NAALADL2: variants seen among roughly 807,000 people sequenced by gnomAD.
NAALADL2 encodes the protein inactive N-acetylated-alpha-linked acidic dipeptidase-like protein 2.
NAALADL2 carries 76 observed loss-of-function variants against 87.2 expected under a neutral mutation model. The observed-to-expected ratio is 0.87, with a 90% CI of 0.72 to 1.05. The LOEUF (loss-of-function observed/expected upper bound fraction) is 1.05. NAALADL2 is among the 50% of genes least tolerant of loss of function. NAALADL2 has a pLI of 0.00. For missense variants in NAALADL2, 1,089 were observed against 945.8 expected (o/e 1.15, Z -1.99); for synonymous variants, 354 against 331.0 (o/e 1.07, Z -0.75).
intron 1 of NAALADL2, among the ~76,000 whole-genome samples, chr3:174,479,510 C>T (rs1376168704): frequency 6.6e-6 from 1 of 152,066 alleles, no homozygotes; most frequent in Non-Finnish European, 1.5e-5. Flanking sequence ...TACCTCTTAT[C>T]CATTATGCAC....
At chr3:175,027,405 C>T (rs1202149525) in intron 1 of NAALADL2, among the ~76,000 whole-genome samples, 1 of 151,798 alleles carries the variant, frequency 6.6e-6, no homozygotes, top group Non-Finnish European at 1.5e-5. Flanking sequence ...TAAACCATAA[C>T]ATTATAGAAA....
rs935900421 is a variant in NAALADL2, at chr3:174,499,451, CTT to C, written c.-183-51115_-183-51114del. ...ATGCAATTCAGTTTTCCACTTTGTTCTTTTATAGAGTGTTCCTTTATGGTATT... is the reference window on the plus strand; with the variant it reads ...ATGCAATTCAGTTTTCCACTTTGTTCTTATAGAGTGTTCCTTTATGGTATT... On this transcript the variant is annotated intron_variant, in intron 1 of 3. Coordinates refer to the NAALADL2 transcript ENST00000434257. Among the ~76,000 whole-genome samples, 146 of 152,088 alleles carry C rather than the reference CTT, an allele frequency of 9.6e-4. 1 individual carries two copies. Among genetic ancestry groups the C allele is most frequent in the Non-Finnish European group, 1.6e-3 (112 of 67,900 alleles).
At chr3:174,882,549 GTACATATGTGTATATA>G (rs1729378982) in intron 1 of NAALADL2, among the ~76,000 whole-genome samples, 1 of 147,956 alleles carries the variant, frequency 6.8e-6, no homozygotes, top group African/African-American at 2.6e-5. Flanking sequence ...ACACACATAT[GTACATATGTGTATATA>G]TACATATGTG....
chr3:174,883,627 GA>G (rs1729706404), intron 1 of NAALADL2, among the ~76,000 whole-genome samples: 1 of 152,144 alleles, frequency 6.6e-6, no homozygotes, highest in African/African-American at 2.4e-5. Flanking sequence ...ACAAAAGAAG[GA>G]GTGAATACTC....
intron 2 of NAALADL2, among the ~76,000 whole-genome samples, chr3:175,098,893 GTT>G (rs11301769): frequency 4.6e-4 from 67 of 144,426 alleles, no homozygotes; most frequent in Middle Eastern, 3.7e-3. Flanking sequence ...ACAATTATGT[GTT>G]TTTTTTTTTT....
intron 3 of NAALADL2, among the ~76,000 whole-genome samples, chr3:174,748,463 C>T (rs1229675293): frequency 6.6e-6 from 1 of 151,986 alleles, no homozygotes; most frequent in Non-Finnish European, 1.5e-5. Flanking sequence ...GCCTTGACCC[C>T]TTGGTTTTAA....
At chr3:174,623,758 T>G (rs1041177438) in intron 2 of NAALADL2, among the ~76,000 whole-genome samples, 4 of 152,130 alleles carry the variant, frequency 2.6e-5, no homozygotes, top group African/African-American at 9.7e-5. Flanking sequence ...TATAGTCAAC[T>G]TCTTGAATAT....
chr3:174,718,235 C>T (rs2108941586), intron 2 of NAALADL2, among the ~76,000 whole-genome samples: 1 of 152,252 alleles, frequency 6.6e-6, no homozygotes, highest in East Asian at 1.9e-4. Flanking sequence ...TTATCTTTCC[C>T]ATTTTTTATC....
chr3:174,866,934 C>CT (rs1450579638), intron 1 of NAALADL2, among the ~76,000 whole-genome samples: 4 of 151,502 alleles, frequency 2.6e-5, no homozygotes, highest in African/African-American at 9.7e-5. Context: ...TTTGGGGCAT[C>CT]TTTTTTTCTT....
intron 9 of NAALADL2, among the ~76,000 whole-genome samples, chr3:175,555,071 G>A (rs1715039360): frequency 6.6e-6 from 1 of 152,156 alleles, no homozygotes; most frequent in South Asian, 2.1e-4. Context: ...TACTTTCCAA[G>A]TCTACTTTCT....
intron 2 of NAALADL2, among the ~76,000 whole-genome samples, chr3:175,214,562 TTGTC>T (rs1466552922): frequency 1.3e-4 from 20 of 152,116 alleles, no homozygotes; most frequent in Admixed American, 7.9e-4. Flanking sequence ...TCAGTCTTCT[TTGTC>T]TGACCCCTGA....
chr3:175,091,604 G>A (rs1720139973), intron 1 of NAALADL2, among the ~76,000 whole-genome samples: 1 of 151,932 alleles, frequency 6.6e-6, no homozygotes, highest in Non-Finnish European at 1.5e-5. Flanking sequence ...TAACATTACA[G>A]TCAATGAATC....
intron 11 of NAALADL2, among the ~76,000 whole-genome samples, chr3:175,643,658 TCA>T (rs1729592136): frequency 6.6e-6 from 1 of 152,192 alleles, no homozygotes; most frequent in African/African-American, 2.4e-5. Context: ...ATCATTACAA[TCA>T]CTTAGAATTG....
At chr3:175,255,020 G>T (rs1474535353) in intron 3 of NAALADL2, among the ~76,000 whole-genome samples, 3 of 152,122 alleles carry the variant, frequency 2.0e-5, no homozygotes, top group African/African-American at 7.2e-5. Context: ...GGTATGTAAT[G>T]GGCTCTTCAC....
intron 6 of NAALADL2, among the ~76,000 whole-genome samples, chr3:175,447,850 C>T (rs1001977663): frequency 2.6e-5 from 4 of 152,098 alleles, no homozygotes; most frequent in Admixed American, 2.0e-4. Flanking sequence ...ACTGCAGTGC[C>T]GTTTGTCAGG....
chr3:175,280,403 C>A (rs1369940993), intron 4 of NAALADL2, among the ~76,000 whole-genome samples: 2 of 152,058 alleles, frequency 1.3e-5, no homozygotes, highest in East Asian at 3.9e-4. Context: ...AATTAATATA[C>A]TCATAAAAAA....
intron 11 of NAALADL2, among the ~76,000 whole-genome samples, chr3:175,657,148 A>G (rs561209648): frequency 1.1e-4 from 16 of 152,310 alleles, no homozygotes; most frequent in Non-Finnish European, 1.6e-4. Context: ...TTTTCCCTCC[A>G]AGAGTCAGGC....
In NAALADL2 at chr3:175,718,563, C is replaced by G; in HGVS notation, c.1897-18743C>G. 3.8e-6 allele frequency: 6 copies of G among 1,592,614 alleles called. No homozygotes were observed. The South Asian group carries it at 6.6e-5, about 18-fold the overall frequency. ...GTCATGTCTTCGTCATCTTCTAGAT[C>G]CCAGCTAACTGTGCCATCTCCTACT... On this transcript the variant is annotated intron_variant, in intron 11 of 13. Coordinates refer to ENST00000454872, the MANE Select transcript of NAALADL2 (RefSeq NM_207015.3).
intron 2 of NAALADL2, among the ~76,000 whole-genome samples, chr3:174,684,173 T>A (rs2108834797): frequency 6.6e-6 from 1 of 152,166 alleles, no homozygotes; most frequent in South Asian, 2.1e-4. Context: ...ATCTAAAAAT[T>A]TAAAATAGTA....
Sources: allele counts gnomAD v4.1 joint callset (sites outside exome capture counted in the v4.1 genomes callset), GRCh38; gene constraint gnomAD v4.1.1; transcripts MANE v1.5; gene names NCBI Gene and HGNC (gene_info 2026-07-23, HGNC 2026-07-21).